The following PRRC2C variants were observed in gnomAD, a reference collection of about 807,000 sequenced individuals.
PRRC2C encodes proline rich coiled-coil 2C, also known as protein PRRC2C.
In PRRC2C, 72 loss-of-function variants were observed where a neutral mutation model predicts 317.2. The ratio of observed to expected loss-of-function variants is 0.23; its 90% CI spans 0.19 to 0.28. PRRC2C has a LOEUF of 0.28. Among genes scored for constraint, PRRC2C ranks in the 10% least tolerant of loss-of-function variants. The probability of loss-of-function intolerance (pLI) is 1.00; values close to 1 mark genes in which losing one functional copy is unlikely to be tolerated. For missense variants in PRRC2C, 3,074 were observed against 3,459.7 expected (o/e 0.89, Z 2.80); for synonymous variants, 1,296 against 1,205.9 (o/e 1.07, Z -1.55).
Position 171,566,402 on chromosome 1 carries a change from G to A in PRRC2C, c.6287G>A (p.Gly2096Glu), listed in dbSNP as rs1383747464. ...KEQRQKQPRAGPIKAQKLPDL... is the reference protein window; with the variant it reads ...KEQRQKQPRAEPIKAQKLPDL... ...CAGCGGCAGAAGCAGCCACGAGCAGGACCTATCAAAGCCCAGAAGGTAAAT... is the reference window on the plus strand; with the variant it reads ...CAGCGGCAGAAGCAGCCACGAGCAGAACCTATCAAAGCCCAGAAGGTAAAT... The change falls in exon 21 of 35, where the codon GGA (glycine) becomes GAA (glutamate). Residue 2096 changes from glycine to glutamate, a missense_variant. Transcript: ENST00000647382. 3.2e-6 allele frequency: 5 copies of A among 1,579,376 alleles called. No individual in the cohort carries two copies. In the African/African-American group the frequency reaches 6.8e-5, roughly 21 times the overall value.
chr1:171,514,986 A>G (rs1003564430), intron 4 of PRRC2C, among the ~76,000 whole-genome samples: 73 of 152,336 alleles, frequency 4.8e-4, no homozygotes, highest in African/African-American at 1.6e-3. Context: ...TTTTTCATCT[A>G]TGTCCCCAAC....
At chr1:171,520,835 T>A (rs2102329149) in intron 6 of PRRC2C, among the ~76,000 whole-genome samples, 1 of 150,428 alleles carries the variant, frequency 6.6e-6, no homozygotes, top group Non-Finnish European at 1.5e-5. Flanking sequence ...AGACGGAGTT[T>A]CGCTCTGTTG....
intron 20 of PRRC2C, among the ~76,000 whole-genome samples, chr1:171,561,717 T>C (rs769659829): frequency 3.3e-5 from 5 of 152,214 alleles, no homozygotes; most frequent in Non-Finnish European, 7.3e-5. Context: ...CAATTATTGT[T>C]TTCTGGACTT....
chr1:171,522,155 A>G (rs781097428), intron 6 of PRRC2C, 22 bp from the exon 7 acceptor site: 2 of 1,440,302 alleles, frequency 1.4e-6, no homozygotes, highest in Non-Finnish European at 1.9e-6. Context: ...ATTTATCACA[A>G]TTTTTTGTTT....
chr1:171,531,765 TG>T (rs1234745201), intron 11 of PRRC2C, among the ~76,000 whole-genome samples: 1 of 152,248 alleles, frequency 6.6e-6, no homozygotes. Flanking sequence ...TACGCTTTTC[TG>T]GATCTTTCAG....
At chr1:171,574,589 A>G (rs1050517514) in intron 24 of PRRC2C, among the ~76,000 whole-genome samples, 1 of 152,216 alleles carries the variant, frequency 6.6e-6, no homozygotes, top group African/African-American at 2.4e-5. Context: ...GATGCCTGCC[A>G]TTTGCCATTT....
chr1:171,547,259 T>C (rs1679286133), intron 17 of PRRC2C, among the ~76,000 whole-genome samples: 1 of 152,178 alleles, frequency 6.6e-6, no homozygotes, highest in Non-Finnish European at 1.5e-5. Context: ...TGTTTTTAAG[T>C]AATATCTCTA....
chr1:171,572,585 C>G (rs534923403), intron 24 of PRRC2C, among the ~76,000 whole-genome samples: 6 of 152,304 alleles, frequency 3.9e-5, no homozygotes, highest in African/African-American at 1.2e-4. Context: ...ACAGCTTCTG[C>G]TTTGTGCCAT....
At chr1:171,575,176 A>AT (rs762776185) in intron 25 of PRRC2C, 48 bp downstream of exon 25, 5 of 1,461,680 alleles carry the variant, frequency 3.4e-6, no homozygotes, top group Non-Finnish European at 4.7e-6. Flanking sequence ...ATTATTTAAA[A>AT]TTTTTTATGA....
chr1:171,505,847 G>A (rs890980333), intron 1 of PRRC2C, among the ~76,000 whole-genome samples: 3 of 152,134 alleles, frequency 2.0e-5, no homozygotes, highest in African/African-American at 7.2e-5. Context: ...TATGACAGTG[G>A]CCTCATAAGA....
chr1:171,568,340 G>A lies in PRRC2C; in HGVS notation c.6651+1G>A, dbSNP rs1309238254. 1.9e-6 allele frequency: 3 copies of A among 1,595,092 alleles called. No individual in the cohort carries two copies. Among genetic ancestry groups the A allele is most frequent in the Non-Finnish European group, 1.7e-6 (2 of 1,169,434 alleles). On this transcript the variant is annotated splice_donor_variant, in intron 23 of 34. Transcript: ENST00000647382. LOFTEE classifies it high-confidence loss of function. Reference sequence around the variant, plus strand: ...GATGGAGGATACTTTGGTTAATAATGTAAGTAATCAGTTTGAGATGTGGCA... The same window carrying A: ...GATGGAGGATACTTTGGTTAATAATATAAGTAATCAGTTTGAGATGTGGCA...
Position 171,579,836 on chromosome 1 carries a change from A to T in PRRC2C, c.7281A>T (p.Ser2427=), listed in dbSNP as rs1322443763. The change falls in exon 28 of 35, where the codon TCA becomes TCT. Residue 2427 remains serine, a synonymous_variant. Transcript: ENST00000647382. ...GFQPGLSQPT[S]VQQIPIPIYA... is the part of the protein sequence containing the mutation. ...TTCTCAATGCATTGCAGCCAACTTCAGTTCAGCAGATTCCAATCCCTATTT... is the reference window on the plus strand; with the variant it reads ...TTCTCAATGCATTGCAGCCAACTTCTGTTCAGCAGATTCCAATCCCTATTT... The T allele has an allele frequency of 6.4e-7, 1 of 1,558,630 alleles. No homozygotes were observed.
At chr1:171,555,232 A>G (rs1681147055) in intron 18 of PRRC2C, among the ~76,000 whole-genome samples, 1 of 151,956 alleles carries the variant, frequency 6.6e-6, no homozygotes, top group Admixed American at 6.6e-5. Context: ...TCACTGATAC[A>G]CTTTCTTCCA....
At chr1:171,578,542 T>C (rs1355051826) in intron 26 of PRRC2C, among the ~76,000 whole-genome samples, 2 of 151,102 alleles carry the variant, frequency 1.3e-5, no homozygotes, top group Admixed American at 1.3e-4. Context: ...CGTAATAATA[T>C]GTGGAGTTCT....
At chr1:171,520,511 T>G (rs1237782801) in intron 6 of PRRC2C, among the ~76,000 whole-genome samples, 3 of 152,206 alleles carry the variant, frequency 2.0e-5, no homozygotes, top group African/African-American at 4.8e-5. Flanking sequence ...TACTGTATAC[T>G]GAGAATTTAA....
Position 171,501,420 on chromosome 1 carries a change from C to A in PRRC2C, c.-57-10612C>A, listed in dbSNP as rs114356745. On this transcript the variant is annotated intron_variant, in intron 1 of 34. Transcript: ENST00000647382. Reference sequence around the variant, plus strand: ...TGCTGGCATTACAGATGTGAGCCACCACTCCCAGCTGAGGTGTACCTGTTT... The same window carrying A: ...TGCTGGCATTACAGATGTGAGCCACAACTCCCAGCTGAGGTGTACCTGTTT... Among the ~76,000 whole-genome samples, 537 of 152,298 alleles carry A rather than the reference C, an allele frequency of 3.5e-3. 4 individuals are homozygous for A. The highest frequency in any genetic ancestry group is 0.012 in the African/African-American group (505 of 41,556).
intron 24 of PRRC2C, among the ~76,000 whole-genome samples, chr1:171,573,771 C>T (rs553319102): frequency 2.7e-5 from 4 of 149,606 alleles, no homozygotes; most frequent in South Asian, 2.1e-4. Context: ...CTCTGCCTCC[C>T]GGGTTCACGC....
chr1:171,555,706 C>T (rs896281872), intron 18 of PRRC2C, among the ~76,000 whole-genome samples: 3 of 152,118 alleles, frequency 2.0e-5, no homozygotes, highest in Admixed American at 2.0e-4. Flanking sequence ...GTTAGTTTTC[C>T]TTCTAACAGC....
chr1:171,506,030 T>A (rs1670114634), intron 1 of PRRC2C, among the ~76,000 whole-genome samples: 1 of 152,212 alleles, frequency 6.6e-6, no homozygotes, highest in Non-Finnish European at 1.5e-5. Flanking sequence ...CAGTAGGCTA[T>A]GCCATCTACA....
Sources: allele counts gnomAD v4.1 joint callset (sites outside exome capture counted in the v4.1 genomes callset), GRCh38; gene constraint gnomAD v4.1.1; transcripts MANE v1.5; gene names NCBI Gene and HGNC (gene_info 2026-07-23, HGNC 2026-07-21).